SRGAP3: variants seen among roughly 807,000 people sequenced by gnomAD.
SRGAP3 encodes the protein SLIT-ROBO Rho GTPase-activating protein 3.
A neutral mutation model predicts 121.1 loss-of-function variants in SRGAP3; 39 were observed. The observed-to-expected ratio is 0.32, with a 90% CI of 0.25 to 0.42. The LOEUF (loss-of-function observed/expected upper bound fraction) is 0.42, where lower values mean the gene tolerates loss of function less well. SRGAP3 is among the 10% of genes least tolerant of loss of function. The probability of loss-of-function intolerance (pLI) is 1.00; values close to 1 mark genes in which losing one functional copy is unlikely to be tolerated. For missense variants in SRGAP3, 1,213 were observed against 1,470.6 expected (o/e 0.82, Z 2.86); for synonymous variants, 601 against 570.0 (o/e 1.05, Z -0.77).
intron 3 of SRGAP3, chr3:9,293,136 A>T (rs977062476): frequency 3.3e-5 from 5 of 152,224 alleles, no homozygotes; most frequent in African/African-American, 1.2e-4. Context: ...ATAAAAGAAT[A>T]TTTGCAGTAA....
intron 10 of SRGAP3, among the ~76,000 whole-genome samples, chr3:9,039,802 C>T (rs1369637325): frequency 5.3e-5 from 8 of 152,210 alleles, no homozygotes; most frequent in South Asian, 2.1e-4. Context: ...CCATATAGTA[C>T]GGTTTAGTAA....
At chr3:9,121,670 G>A (rs998904068) in intron 2 of SRGAP3, among the ~76,000 whole-genome samples, 3 of 152,200 alleles carry the variant, frequency 2.0e-5, no homozygotes, top group Admixed American at 6.5e-5. Context: ...GGGGCTGGCC[G>A]AGCTCATTAT....
intron 3 of SRGAP3, among the ~76,000 whole-genome samples, chr3:9,083,943 G>T (rs1289889879): frequency 6.6e-6 from 1 of 152,124 alleles, no homozygotes; most frequent in Non-Finnish European, 1.5e-5. Flanking sequence ...ATCCTTAGCT[G>T]CTGCAAAACA....
At chr3:9,066,126 A>G (rs6784852) in intron 4 of SRGAP3, among the ~76,000 whole-genome samples, 23,202 of 151,956 alleles carry the variant, frequency 0.15, 2,209 homozygotes, top group African/African-American at 0.27. Context: ...ATTCATTACC[A>G]TTTTCTGAGC....
At position 9,218,685 on chromosome 3, in the gene SRGAP3, T is replaced by G. The variant is rs1209245518; in HGVS notation, c.67+30200A>C. The stretch of plus-strand genomic sequence containing the variant: ...TATTTTTATTTATTTATTTACTTTT[T>G]GAGATGGAGTCTCACTCTGTTGCCC... On this transcript the variant is annotated intron_variant, in intron 1 of 21. Transcript: ENST00000383836. This position sits in a 1 kb window ranked among gnomAD's most constrained non-coding sequence, Gnocchi z 5.3. The G allele has an allele frequency of 2.6e-5, 4 of 152,078 alleles. No individual in the cohort carries two copies. The highest frequency in any genetic ancestry group is 9.6e-5 in the African/African-American group (4 of 41,454). 9.4% of individuals were successfully genotyped at this position (152,078 alleles called of 1,614,324 possible). A position where few individuals can be genotyped will look rare whatever the true frequency, so the allele number is the denominator to read the frequency against.
intron 11 of SRGAP3, chr3:9,034,876 T>C (rs1453776626): frequency 1.3e-5 from 2 of 152,204 alleles, no homozygotes; most frequent in South Asian, 2.1e-4. Context: ...AACTTGATGA[T>C]AGCAACATTG....
intron 1 of SRGAP3, among the ~76,000 whole-genome samples, chr3:9,153,506 AC>A (rs1421508935): frequency 6.6e-6 from 1 of 152,198 alleles, no homozygotes; most frequent in Admixed American, 6.5e-5. Context: ...AGGACACTCA[AC>A]TACAATGCCA....
intron 3 of SRGAP3, among the ~76,000 whole-genome samples, chr3:9,101,914 A>G (rs1014370190): frequency 1.3e-5 from 2 of 152,188 alleles, no homozygotes; most frequent in Non-Finnish European, 2.9e-5. Flanking sequence ...TCCTCTAGTC[A>G]TAAGAACAGA....
intron 1 of SRGAP3, among the ~76,000 whole-genome samples, chr3:9,182,283 A>G (rs1342829510): frequency 6.6e-6 from 1 of 151,852 alleles, no homozygotes; most frequent in Non-Finnish European, 1.5e-5. Context: ...GAGGTCATAG[A>G]GTTAAAATGA....
At chr3:9,169,082 C>T (rs549102066) in intron 1 of SRGAP3, among the ~76,000 whole-genome samples, 44 of 152,286 alleles carry the variant, frequency 2.9e-4, no homozygotes, top group Non-Finnish European at 5.4e-4. Context: ...AATCCCGGCT[C>T]GTTCAGCTAT....
rs766810764 is a variant in SRGAP3, at chr3:8,985,653, G to A, written c.3166C>T (p.Pro1056Ser). 3 of 1,595,428 alleles carry A rather than the reference G, an allele frequency of 1.9e-6. No individual in the cohort carries two copies. Among genetic ancestry groups the A allele is most frequent in the Admixed American group, 3.3e-5 (2 of 59,774 alleles). The change falls in exon 22 of 22, where the codon CCC (proline) becomes TCC (serine). Residue 1056 changes from proline to serine, a missense_variant. Physicochemically the swap from Pro to Ser is moderately conservative, Grantham distance 74. Transcript: ENST00000383836. This position sits in a 1 kb window ranked among gnomAD's most constrained non-coding sequence, Gnocchi z 5.1. ...ACCACCGGCCGCACGGGCCGCATGG[G>A]GGGCGGGCGGAGCTGGGCGCCAGCC... ...RLAGAQLRPP[P>S]MRPVRPVVQH...
chr3:9,158,588 G>A (rs1252708629), intron 1 of SRGAP3, among the ~76,000 whole-genome samples: 1 of 152,130 alleles, frequency 6.6e-6, no homozygotes, highest in Non-Finnish European at 1.5e-5. Flanking sequence ...CATATCACCT[G>A]CAGGTCCCAC....
rs199973372 is a variant in SRGAP3, at chr3:9,053,119, C to T, written c.1231G>A (p.Val411Ile). 1.1e-4 allele frequency: 181 copies of T among 1,614,182 alleles called. 1 individual carries two copies. The Admixed American group carries it at 1.9e-3, about 17-fold the overall frequency. ...TAGGTCTCAGAGGCAGCCGACTTGA[C>T]GGACTCTGTCGATCGACTGTGTTGG... The part of the protein sequence containing the change: ...AFQHSRSTES[V>I]KSAASETYMS... The change falls in exon 9 of 22, where the codon GTC becomes ATC. Residue 411 changes from valine to isoleucine, a missense_variant. By Grantham distance (29) the Val-to-Ile change is conservative. Around this residue, in one of 2 missense-constraint regions of SRGAP3, gnomAD observed 793 missense variants for 1,032.9 expected, o/e 0.77. Transcript: ENST00000383836.
At chr3:8,996,397 T>C (rs1942402519) in intron 18 of SRGAP3, among the ~76,000 whole-genome samples, 1 of 152,236 alleles carries the variant, frequency 6.6e-6, no homozygotes. Flanking sequence ...AAGACCATGC[T>C]TGTGTCCCCA....
intron 1 of SRGAP3, among the ~76,000 whole-genome samples, chr3:9,141,584 G>A (rs1310712979): frequency 2.0e-5 from 3 of 151,634 alleles, no homozygotes; most frequent in African/African-American, 7.3e-5. Flanking sequence ...GTGTGTGTGT[G>A]TGTGTGTGTG....
intron 2 of SRGAP3, among the ~76,000 whole-genome samples, chr3:9,107,400 C>A (rs1295169406): frequency 6.6e-6 from 1 of 152,216 alleles, no homozygotes; most frequent in Admixed American, 6.5e-5. Flanking sequence ...CAGAAGGCAT[C>A]GTTCTCCTCC....
At chr3:9,202,864 T>A (rs1448686557) in intron 1 of SRGAP3, among the ~76,000 whole-genome samples, 1 of 152,198 alleles carries the variant, frequency 6.6e-6, no homozygotes, top group Non-Finnish European at 1.5e-5. Flanking sequence ...CAGAACATGC[T>A]CTAGGCTGAA....
intron 1 of SRGAP3, among the ~76,000 whole-genome samples, chr3:9,170,179 G>A (rs753584600): frequency 2.0e-5 from 3 of 152,154 alleles, no homozygotes; most frequent in African/African-American, 4.8e-5. Flanking sequence ...GTGAATGTCC[G>A]TAGAAGAAAC....
Position 9,010,850 on chromosome 3 carries a change from G to A in SRGAP3, c.2148-463C>T, listed in dbSNP as rs563279572. On this transcript the variant is annotated intron_variant, in intron 17 of 21. Transcript: ENST00000383836. ...AGATGAAGCTAACAAGGGCTGCCCT[G>A]TCTTTCTGCATGCAAAAGCCCCGAC... Among the ~76,000 whole-genome samples, 8 of 152,224 alleles carry A rather than the reference G, an allele frequency of 5.3e-5. No homozygotes were observed. In the East Asian group the frequency reaches 1.5e-3, roughly 29 times the overall value.
Sources: gnomAD v4.1 joint callset for allele counts (sites outside exome capture counted in the v4.1 genomes callset) on GRCh38, gnomAD v4.1.1 for gene constraint, gnomAD v4.1.1 regional missense constraint, Gnocchi (gnomAD v3.1) non-coding constraint, MANE v1.5 for transcripts, NCBI Gene and HGNC (gene_info 2026-07-23, HGNC 2026-07-21) for gene names.